Variants in PLA2G7 observed in about 807,000 individuals in gnomAD.
PLA2G7 encodes the protein phospholipase A2 group VII, also known as platelet-activating factor acetylhydrolase.
Under a neutral mutation model 49.6 loss-of-function variants are expected in PLA2G7, and 63 were observed. The ratio of observed to expected loss-of-function variants is 1.27; its 90% CI spans 1.04 to 1.57. PLA2G7 has a LOEUF of 1.57. PLA2G7 is among the 40% of genes most tolerant of loss of function. The pLI is 0.00. For synonymous variants in PLA2G7, 193 were observed against 169.9 expected (o/e 1.14, Z -1.06); for missense variants, 596 against 521.2 (o/e 1.14, Z -1.40).
rs1475409646 is a variant in PLA2G7 at position 46,708,079 on chromosome 6, T to A, written c.952A>T (p.Asn318Tyr). The part of the protein sequence containing the change: ...SRIPQPLFFI[N>Y]SEYFQYPANI... Reference sequence around the variant, plus strand: ...GCAGGATATTGGAAATATTCAGAGTTGATAAAAAAGAGGGGCTGAGGAATT... The same window carrying A: ...GCAGGATATTGGAAATATTCAGAGTAGATAAAAAAGAGGGGCTGAGGAATT... The change falls in exon 10 of 12, where the codon AAC becomes TAC. Residue 318 changes from asparagine to tyrosine, a missense_variant. Physicochemically the swap from Asn to Tyr is moderately radical, Grantham distance 143. Coordinates refer to ENST00000274793, the MANE Select transcript of PLA2G7 (RefSeq NM_005084.4). 1 of 1,606,016 alleles carries A rather than the reference T, an allele frequency of 6.2e-7. No individual in the cohort carries two copies. The highest frequency in any genetic ancestry group is 8.5e-7 in the Non-Finnish European group (1 of 1,172,942).
At position 46,704,470 on chromosome 6, in the gene PLA2G7, TCTCTCTCTCACACACACACACA is replaced by T. The variant is rs1271361233; in HGVS notation, c.*68_*89del. The stretch of plus-strand genomic sequence containing the variant: ...CTCTCTCTCTCTCTCTCTCTCTCTC[TCTCTCTCTCACACACACACACA>T]CACACACACACACACACATAATTTT... On this transcript the variant is annotated 3_prime_UTR_variant, in exon 12 of 12. Transcript: ENST00000274793. 12 of 279,948 alleles carry T rather than the reference TCTCTCTCTCACACACACACACA, an allele frequency of 4.3e-5. No individual in the cohort carries two copies. The highest frequency in any genetic ancestry group is 6.6e-5 in the African/African-American group (2 of 30,410). The allele number at this position is 279,948 out of a possible 1,614,324, so 17.3% of individuals were successfully genotyped here.
Position 46,708,092 on chromosome 6 carries a change from G to A in PLA2G7, c.939C>T (p.Pro313=). ...GDEVYSRIPQ[P]LFFINSEYFQ... ...AATATTCAGAGTTGATAAAAAAGAG[G>A]GGCTGAGGAATTCTGGAATATACTT... Residue 313 remains proline, a synonymous_variant, in exon 10 of 12, where the codon CCC becomes CCT. Transcript: ENST00000274793. The A allele has an allele frequency of 1.2e-6, 2 of 1,608,848 alleles. No individual in the cohort carries two copies. The highest frequency in any genetic ancestry group is 1.1e-5 in the South Asian group (1 of 90,952).
At chr6:46,730,042 C>T (rs1765688979) in intron 1 of PLA2G7, among the ~76,000 whole-genome samples, 1 of 152,240 alleles carries the variant, frequency 6.6e-6, no homozygotes, top group East Asian at 1.9e-4. Flanking sequence ...GGAGGCCACC[C>T]TCCCACTGCA....
At chr6:46,730,509 T>G (rs775416793) in intron 1 of PLA2G7, among the ~76,000 whole-genome samples, 9 of 152,156 alleles carry the variant, frequency 5.9e-5, no homozygotes, top group Non-Finnish European at 8.8e-5. Context: ...AGACAGGTAA[T>G]TTAAATGAAT....
intron 1 of PLA2G7, 117 bp from the exon 2 acceptor site, chr6:46,723,042 T>C (rs1481812514): frequency 1.5e-6 from 1 of 654,162 alleles, no homozygotes; most frequent in African/African-American, 1.8e-5. Context: ...AAACATGTAT[T>C]TTCTGTGCTG....
chr6:46,716,314 G>C, intron 4 of PLA2G7, 70 bp downstream of exon 4: 2 of 1,515,224 alleles, frequency 1.3e-6, no homozygotes, highest in Non-Finnish European at 1.8e-6. Flanking sequence ...TTAACTACTT[G>C]AAGTTCTTGT....
intron 10 of PLA2G7, 108 bp from the exon 11 acceptor site, chr6:46,705,409 C>T (rs559361409): frequency 1.1e-6 from 1 of 872,614 alleles, no homozygotes; most frequent in African/African-American, 1.7e-5. Context: ...TACTGAAAAC[C>T]AAAGAAGAAA....
At position 46,714,554 on chromosome 6, in the gene PLA2G7, C is replaced by T; in HGVS notation, c.377-1G>A. 6.4e-7 allele frequency: 1 copy of T among 1,563,102 alleles called. No individual in the cohort carries two copies. The highest frequency in any genetic ancestry group is 1.7e-4 in the Middle Eastern group (1 of 5,966). On this transcript the variant is annotated splice_acceptor_variant, in intron 4 of 11. Coordinates refer to ENST00000274793, the MANE Select transcript of PLA2G7 (RefSeq NM_005084.4). LOFTEE classifies it high-confidence loss of function. ...CAGTTTGCAGGAGTTGTCATTGAAC[C>T]TAGACAACAATGGAAGGTTATAGTT...
At chr6:46,715,164 T>C (rs1283423258) in intron 4 of PLA2G7, among the ~76,000 whole-genome samples, 2 of 152,184 alleles carry the variant, frequency 1.3e-5, no homozygotes, top group African/African-American at 4.8e-5. Flanking sequence ...TTCCCAGGTT[T>C]TGGAAAAATT....
chr6:46,712,245 G>A (rs777388266), intron 6 of PLA2G7, 24 bp downstream of exon 6: 2 of 1,524,460 alleles, frequency 1.3e-6, no homozygotes, highest in Non-Finnish European at 9.1e-7. Flanking sequence ...TGGCCAAAGA[G>A]CCCAATTATA....
At chr6:46,705,919 T>A (rs1314656819) in intron 10 of PLA2G7, among the ~76,000 whole-genome samples, 1 of 152,198 alleles carries the variant, frequency 6.6e-6, no homozygotes, top group Admixed American at 6.5e-5. Context: ...GCACTTTTTT[T>A]CTTTACGTTT....
intron 5 of PLA2G7, among the ~76,000 whole-genome samples, chr6:46,713,387 CA>C (rs1309875468): frequency 2.0e-5 from 3 of 152,146 alleles, no homozygotes; most frequent in Non-Finnish European, 4.4e-5. Context: ...TAGTCTTTGT[CA>C]CCACTACTGA....
chr6:46,710,926 A>C (rs1472346407), intron 7 of PLA2G7, among the ~76,000 whole-genome samples: 1 of 152,222 alleles, frequency 6.6e-6, no homozygotes, highest in Non-Finnish European at 1.5e-5. Flanking sequence ...ATTGTATAAT[A>C]ATTCCTACCT....
chr6:46,711,769 A>C (rs1384297552), intron 6 of PLA2G7, 150 bp from the exon 7 acceptor site: 2 of 838,756 alleles, frequency 2.4e-6, no homozygotes, highest in Non-Finnish European at 3.8e-6. Context: ...ATTAAAGAAG[A>C]CTGTAAAAGA....
Position 46,704,662 on chromosome 6 carries a change from C to T in PLA2G7, c.1224G>A (p.Leu408=), listed in dbSNP as rs1157368247. 1 of 1,578,556 alleles carries T rather than the reference C, an allele frequency of 6.3e-7. No homozygotes were observed. The highest frequency in any genetic ancestry group is 1.1e-5 in the South Asian group (1 of 90,472). Residue 408 remains leucine, a synonymous_variant, in exon 12 of 12, where the codon TTG becomes TTA. Coordinates refer to ENST00000274793, the MANE Select transcript of PLA2G7 (RefSeq NM_005084.4). ...LHKDFDQWDC[L]IEGDDENLIP... is the part of the protein sequence containing the mutation. ...TAAGATTCTCATCATCTCCTTCAAT[C>T]AAGCAGTCCCACTGATCAAAATCTT...
intron 2 of PLA2G7, 46 bp downstream of exon 2, chr6:46,722,737 G>T: frequency 8.7e-7 from 1 of 1,144,446 alleles, no homozygotes; most frequent in Non-Finnish European, 1.3e-6. Flanking sequence ...CTTGAAGTAT[G>T]GCGACAGATC....
At chr6:46,716,147 A>G (rs1269578114) in intron 4 of PLA2G7, among the ~76,000 whole-genome samples, 4 of 152,222 alleles carry the variant, frequency 2.6e-5, no homozygotes, top group African/African-American at 9.7e-5. Flanking sequence ...AGCCACAGAA[A>G]GATGTCAGAG....
rs1387072207 is a variant in PLA2G7 at position 46,707,990 on chromosome 6, C to T, written c.1040+1G>A. The T allele has an allele frequency of 6.5e-7, 1 of 1,547,300 alleles. No individual in the cohort carries two copies. The highest frequency in any genetic ancestry group is 1.1e-5 in the South Asian group (1 of 89,220). On this transcript the variant is annotated splice_donor_variant, in intron 10 of 11. Coordinates refer to ENST00000274793, the MANE Select transcript of PLA2G7 (RefSeq NM_005084.4). LOFTEE classifies it high-confidence loss of function. ...TAATGAAATAAGTCACTAATACTTA[C>T]CTGATTGTAATCATCTTTCTTTCTT...
Position 46,708,100 on chromosome 6 carries a change from G to C in PLA2G7, c.931C>G (p.Pro311Ala). Residue 311 changes from proline (P) to alanine (A), a missense_variant, in exon 10 of 12, where the codon CCT becomes GCT. Pro to Ala is a conservative substitution (Grantham distance 27). Transcript: ENST00000274793. ...PLGDEVYSRI[P>A]QPLFFINSEY... is the part of the protein sequence containing the mutation. ...GAGTTGATAAAAAAGAGGGGCTGAG[G>C]AATTCTGGAATATACTTCATCACCC... The C allele has an allele frequency of 6.2e-7, 1 of 1,609,806 alleles. No individual in the cohort carries two copies. The highest frequency in any genetic ancestry group is 8.5e-7 in the Non-Finnish European group (1 of 1,176,204).
Sources: allele counts gnomAD v4.1 joint callset (sites outside exome capture counted in the v4.1 genomes callset), GRCh38; gene constraint gnomAD v4.1.1; transcripts MANE v1.5; gene names NCBI Gene and HGNC (gene_info 2026-07-23, HGNC 2026-07-21).